The following RIMS2 variants were observed in gnomAD, a reference collection of about 807,000 sequenced individuals.
The protein encoded by RIMS2 is regulating synaptic membrane exocytosis 2.
A neutral mutation model predicts 174.4 loss-of-function variants in RIMS2; 59 were observed. The ratio of observed to expected loss-of-function variants is 0.34; its 90% CI spans 0.27 to 0.42. RIMS2 has a LOEUF of 0.42. Ranked by LOEUF, RIMS2 falls within the 10% of genes least tolerant of loss-of-function variation. The pLI, the probability that RIMS2 is intolerant of heterozygous loss-of-function variation, is 1.00. For missense variants in RIMS2, 1,620 were observed against 1,666.3 expected (o/e 0.97, Z 0.48); for synonymous variants, 606 against 572.5 (o/e 1.06, Z -0.84).
intron 1 of RIMS2, among the ~76,000 whole-genome samples, chr8:103,675,064 C>A (rs2096791018): frequency 6.6e-6 from 1 of 152,140 alleles, no homozygotes; most frequent in Non-Finnish European, 1.5e-5. Context: ...GCACTCGCCA[C>A]CATGGCCGGC....
intron 3 of RIMS2, chr8:103,768,735 T>A (rs2098211771): frequency 1.3e-6 from 1 of 764,912 alleles, no homozygotes; most frequent in Non-Finnish European, 2.4e-6. Flanking sequence ...AAGAAGATGA[T>A]GTCCACCAGT....
rs879376955 is a variant in RIMS2, at chr8:103,788,302, C to T, written c.698+21765C>T. On this transcript the variant is annotated intron_variant, in intron 3 of 23. Transcript: ENST00000504942. ...AGTCATTCTCCATCCAGCTTTGTTC[C>T]GTTGCTGGTGAGGAACTGCATTTCT... Among the ~76,000 whole-genome samples the T allele has an allele frequency of 2.4e-3, 361 of 148,854 alleles. 1 individual carries two copies. The highest frequency in any genetic ancestry group is 4.3e-3 in the Non-Finnish European group (291 of 67,110).
At chr8:103,910,330 A>C (rs758064127) in intron 5 of RIMS2, 1 of 1,595,580 alleles carries the variant, frequency 6.3e-7, no homozygotes, top group Non-Finnish European at 8.5e-7. Flanking sequence ...GGGGACAGTC[A>C]AAAGGGAAAA....
At chr8:103,907,254 T>C (rs2074620506) in intron 4 of RIMS2, among the ~76,000 whole-genome samples, 1 of 152,216 alleles carries the variant, frequency 6.6e-6, no homozygotes, top group Admixed American at 6.5e-5. Context: ...AGGAATGCAA[T>C]TTGAGAACCA....
At chr8:103,710,398 A>C (rs903566246) in intron 2 of RIMS2, among the ~76,000 whole-genome samples, 7 of 152,276 alleles carry the variant, frequency 4.6e-5, no homozygotes, top group Admixed American at 3.9e-4. Flanking sequence ...GAAGGGCAGG[A>C]CATATGGAAG....
chr8:104,246,803 G>T (rs1217085921), intron 20 of RIMS2, among the ~76,000 whole-genome samples: 1 of 152,178 alleles, frequency 6.6e-6, no homozygotes, highest in Non-Finnish European at 1.5e-5. Flanking sequence ...GAGGAGGGCA[G>T]CACTGGGGAG....
chr8:103,740,279 A>G (rs1031163216), intron 2 of RIMS2, among the ~76,000 whole-genome samples: 1 of 152,202 alleles, frequency 6.6e-6, no homozygotes. Flanking sequence ...AAACAATTTT[A>G]TAAGTGGTGA....
At chr8:103,725,158 A>C (rs1479103313) in intron 2 of RIMS2, among the ~76,000 whole-genome samples, 2 of 152,170 alleles carry the variant, frequency 1.3e-5, no homozygotes, top group Admixed American at 1.3e-4. Flanking sequence ...TTGTTACACC[A>C]GTGGAGTTAG....
intron 1 of RIMS2, among the ~76,000 whole-genome samples, chr8:103,655,116 A>C (rs571153099): frequency 2.9e-4 from 44 of 152,048 alleles, no homozygotes; most frequent in Non-Finnish European, 6.0e-4. Context: ...ATATAAGTAG[A>C]CTACTGTATA....
At chr8:103,560,567 C>A (rs1338410950) in intron 1 of RIMS2, among the ~76,000 whole-genome samples, 1 of 152,122 alleles carries the variant, frequency 6.6e-6, no homozygotes, top group Non-Finnish European at 1.5e-5. Context: ...TTTAACTATG[C>A]TTACTCATTG....
intron 14 of RIMS2, among the ~76,000 whole-genome samples, chr8:103,957,688 A>G (rs757843301): frequency 1.3e-5 from 2 of 152,222 alleles, no homozygotes; most frequent in African/African-American, 4.8e-5. Context: ...ACAAACCACC[A>G]TGGCATGTGT....
At chr8:104,206,124 A>C (rs1471959230) in intron 19 of RIMS2, among the ~76,000 whole-genome samples, 1 of 152,226 alleles carries the variant, frequency 6.6e-6, no homozygotes, top group Non-Finnish European at 1.5e-5. Flanking sequence ...GTAATCTACC[A>C]TAATAACATA....
At chr8:104,169,340 A>ATATATATATATATAT (rs1491155725) in intron 19 of RIMS2, among the ~76,000 whole-genome samples, 2 of 33,202 alleles carry the variant, frequency 6.0e-5, no homozygotes, top group South Asian at 1.3e-3. Flanking sequence ...ATATATATAT[A>ATATATATATATATAT]AAACAGATTC....
At chr8:103,577,209 G>A (rs908254929) in intron 1 of RIMS2, among the ~76,000 whole-genome samples, 2 of 151,972 alleles carry the variant, frequency 1.3e-5, no homozygotes, top group South Asian at 2.1e-4. Context: ...AATCTACAAG[G>A]AACTAAACAA....
intron 1 of RIMS2, among the ~76,000 whole-genome samples, chr8:103,585,858 C>T (rs912044948): frequency 1.3e-5 from 2 of 150,980 alleles, no homozygotes; most frequent in African/African-American, 2.4e-5. Flanking sequence ...AACAAACCTG[C>T]ACTTTCTGCA....
chr8:103,794,817 A>G (rs1412765501), intron 3 of RIMS2, among the ~76,000 whole-genome samples: 1 of 152,252 alleles, frequency 6.6e-6, no homozygotes, highest in Non-Finnish European at 1.5e-5. Context: ...TTATGCAGCC[A>G]ACAGACACAT....
At chr8:103,797,184 C>T (rs2098555692) in intron 3 of RIMS2, among the ~76,000 whole-genome samples, 1 of 152,120 alleles carries the variant, frequency 6.6e-6, no homozygotes, top group South Asian at 2.1e-4. Context: ...TTACCTTTTT[C>T]TTCAAAGCCT....
At chr8:103,740,845 AC>A (rs2097755111) in intron 2 of RIMS2, among the ~76,000 whole-genome samples, 1 of 152,090 alleles carries the variant, frequency 6.6e-6, no homozygotes, top group Admixed American at 6.6e-5. Context: ...ACATGAACAA[AC>A]TTTTTTTAAC....
At chr8:104,064,400 C>T (rs1308342079) in intron 19 of RIMS2, among the ~76,000 whole-genome samples, 1 of 152,044 alleles carries the variant, frequency 6.6e-6, no homozygotes, top group African/African-American at 2.4e-5. Context: ...TGAACATCCA[C>T]ATATGCTGTC....
Sources: allele counts gnomAD v4.1 joint callset (sites outside exome capture counted in the v4.1 genomes callset), GRCh38; gene constraint gnomAD v4.1.1; transcripts MANE v1.5; gene names NCBI Gene and HGNC (gene_info 2026-07-23, HGNC 2026-07-21).